The following HEMK2 variants were observed in gnomAD, a reference collection of about 807,000 sequenced individuals.
The protein encoded by HEMK2 is HemK methyltransferase 2, ETF1 glutamine and histone H4 lysine, also known as methyltransferase HEMK2.
At chr21:28,664,012 CA>C in the HEMK2 span, among the ~76,000 whole-genome samples, 1 of 152,170 alleles carries the variant, frequency 6.6e-6, no homozygotes, top group African/African-American at 2.4e-5. Context: ...TATAAAGCTT[CA>C]TTGTCTTTGG....
At chr21:28,862,609 G>A in the HEMK2 span, among the ~76,000 whole-genome samples, 1 of 121,078 alleles carries the variant, frequency 8.3e-6, no homozygotes, top group Non-Finnish European at 1.7e-5. Context: ...ACTGCAGTCC[G>A]CAGTCCGGCC....
the HEMK2 span, among the ~76,000 whole-genome samples, chr21:28,803,308 G>C: frequency 2.6e-5 from 4 of 152,146 alleles, no homozygotes; most frequent in Non-Finnish European, 5.9e-5. Flanking sequence ...TCAAGCTTTG[G>C]AGACTAACCA....
At chr21:28,615,111 A>T in the HEMK2 span, among the ~76,000 whole-genome samples, 1 of 152,282 alleles carries the variant, frequency 6.6e-6, no homozygotes, top group East Asian at 1.9e-4. Context: ...ATTTATTAAT[A>T]AAACTGACTC....
At chr21:28,756,159 G>C in the HEMK2 span, among the ~76,000 whole-genome samples, 1 of 152,158 alleles carries the variant, frequency 6.6e-6, no homozygotes, top group African/African-American at 2.4e-5. Context: ...CCGAGCAACA[G>C]GTGAGTTGTT....
chr21:28,581,925 C>T, the HEMK2 span, among the ~76,000 whole-genome samples: 1 of 152,208 alleles, frequency 6.6e-6, no homozygotes, highest in Non-Finnish European at 1.5e-5. Flanking sequence ...AATGCCCTAA[C>T]ACTTATGACT....
chr21:28,696,328 G>A, the HEMK2 span, among the ~76,000 whole-genome samples: 3 of 152,288 alleles, frequency 2.0e-5, no homozygotes, highest in East Asian at 3.9e-4. Flanking sequence ...CCAAATGAAA[G>A]AAGTTGGCCA....
At chr21:28,763,655 C>T in the HEMK2 span, among the ~76,000 whole-genome samples, 10 of 152,172 alleles carry the variant, frequency 6.6e-5, no homozygotes, top group African/African-American at 2.2e-4. Context: ...AAACTCAAGC[C>T]TAAGTGATGG....
the HEMK2 span, among the ~76,000 whole-genome samples, chr21:28,727,349 G>A: frequency 3.3e-5 from 5 of 152,164 alleles, no homozygotes; most frequent in Non-Finnish European, 7.3e-5. Flanking sequence ...GAAATTCAAA[G>A]CCCAAGCGTT....
chr21:28,605,295 GGAA>G, the HEMK2 span, among the ~76,000 whole-genome samples: 2 of 152,184 alleles, frequency 1.3e-5, no homozygotes, highest in Non-Finnish European at 2.9e-5. Context: ...TATTGAAAGC[GGAA>G]GAAGAACAGA....
chr21:28,681,365 A>G, the HEMK2 span, among the ~76,000 whole-genome samples: 1 of 152,136 alleles, frequency 6.6e-6, no homozygotes, highest in Non-Finnish European at 1.5e-5. Flanking sequence ...GACCTCTTCA[A>G]GGAGAACTAC....
the HEMK2 span, among the ~76,000 whole-genome samples, chr21:28,601,687 A>G: frequency 1.4e-5 from 2 of 146,000 alleles, no homozygotes; most frequent in East Asian, 4.0e-4. Flanking sequence ...TCTTTCTAGT[A>G]TGTAAGCCCC....
chr21:28,660,438 T>A, the HEMK2 span, among the ~76,000 whole-genome samples: 2 of 151,568 alleles, frequency 1.3e-5, no homozygotes, highest in Non-Finnish European at 3.0e-5. Context: ...CTCTTCTTTA[T>A]CAGATTGTGA....
At chr21:28,697,368 T>C in the HEMK2 span, among the ~76,000 whole-genome samples, 1 of 152,170 alleles carries the variant, frequency 6.6e-6, no homozygotes, top group Non-Finnish European at 1.5e-5. Flanking sequence ...AAGAGGGACC[T>C]TTACTCCAGT....
At chr21:28,759,402 C>A in the HEMK2 span, among the ~76,000 whole-genome samples, 1 of 152,192 alleles carries the variant, frequency 6.6e-6, no homozygotes, top group East Asian at 1.9e-4. Context: ...CCTGTACCCC[C>A]ACTGTCTCTA....
chr21:28,733,653 ATT>A, the HEMK2 span, among the ~76,000 whole-genome samples: 3 of 148,284 alleles, frequency 2.0e-5, no homozygotes, highest in African/African-American at 5.0e-5. Context: ...CCCCAACCCC[ATT>A]TTTTTCACAC....
chr21:28,847,594 C>A, the HEMK2 span, among the ~76,000 whole-genome samples: 3,972 of 152,228 alleles, frequency 0.026, 128 homozygotes, highest in East Asian at 0.15. Context: ...TTAATAGTTT[C>A]TTTTGCTGTG....
the HEMK2 span, among the ~76,000 whole-genome samples, chr21:28,831,472 AAAGAAAG>A: frequency 0.011 from 407 of 37,834 alleles, 24 homozygotes; most frequent in East Asian, 0.074. Flanking sequence ...CGAAAGAAAG[AAAGAAAG>A]AAAGAAAGAA....
At chr21:28,797,297 T>C in the HEMK2 span, among the ~76,000 whole-genome samples, 2 of 151,688 alleles carry the variant, frequency 1.3e-5, no homozygotes, top group Non-Finnish European at 2.9e-5. Flanking sequence ...AAGATATGTA[T>C]CAAAAAGAAA....
At chr21:28,702,251 A>G in the HEMK2 span, among the ~76,000 whole-genome samples, 1 of 152,104 alleles carries the variant, frequency 6.6e-6, no homozygotes, top group South Asian at 2.1e-4. Flanking sequence ...AGGAAGTACC[A>G]TTCTGGAAAT....
Sources: allele counts gnomAD v4.1 joint callset (sites outside exome capture counted in the v4.1 genomes callset), GRCh38; gene constraint gnomAD v4.1.1; transcripts MANE v1.5; gene names NCBI Gene and HGNC (gene_info 2026-07-23, HGNC 2026-07-21).